Variants in PGGT1B observed in about 807,000 individuals in gnomAD.
The protein encoded by PGGT1B is protein geranylgeranyltransferase type I subunit beta.
A neutral mutation model predicts 46.1 loss-of-function variants in PGGT1B; 30 were observed. The observed-to-expected ratio is 0.65, with a 90% CI of 0.49 to 0.88. The LOEUF is 0.88. Ranked by LOEUF, PGGT1B falls within the 40% of genes least tolerant of loss-of-function variation. PGGT1B has a pLI of 0.00. For synonymous variants in PGGT1B, 170 were observed against 160.0 expected (o/e 1.06, Z -0.47); for missense variants, 376 against 455.9 (o/e 0.82, Z 1.60).
chr5:115,227,429 T>C (rs72663320), intron 6 of PGGT1B, among the ~76,000 whole-genome samples: 17,860 of 152,236 alleles, frequency 0.12, 2,047 homozygotes, highest in East Asian at 0.61. Context: ...GCAGTGATGC[T>C]GGTAGAGTCC....
intron 7 of PGGT1B, among the ~76,000 whole-genome samples, chr5:115,218,880 G>C (rs1040251244): frequency 2.6e-5 from 4 of 151,758 alleles, no homozygotes; most frequent in Non-Finnish European, 5.9e-5. Flanking sequence ...TAAATACTGA[G>C]AATTTAATCT....
intron 5 of PGGT1B, among the ~76,000 whole-genome samples, chr5:115,232,915 A>G (rs1757038210): frequency 6.6e-6 from 1 of 152,022 alleles, no homozygotes; most frequent in African/African-American, 2.4e-5. Flanking sequence ...AGCTCAAAAA[A>G]GCAAAATTTA....
At chr5:115,213,997 C>T (rs1756328946) in intron 8 of PGGT1B, among the ~76,000 whole-genome samples, 1 of 152,172 alleles carries the variant, frequency 6.6e-6, no homozygotes, top group African/African-American at 2.4e-5. Flanking sequence ...TTCTGGCTCA[C>T]TTTCCTTTGA....
At chr5:115,246,966 G>A (rs1376841814) in intron 2 of PGGT1B, among the ~76,000 whole-genome samples, 6 of 152,152 alleles carry the variant, frequency 3.9e-5, no homozygotes, top group African/African-American at 1.4e-4. Context: ...TGTAATATGT[G>A]TGTGTGTTTA....
At chr5:115,239,316 T>C (rs944930967) in intron 3 of PGGT1B, among the ~76,000 whole-genome samples, 1 of 152,156 alleles carries the variant, frequency 6.6e-6, no homozygotes, top group Non-Finnish European at 1.5e-5. Context: ...AGTGCTGGGA[T>C]TGCAGGTGTG....
intron 6 of PGGT1B, among the ~76,000 whole-genome samples, chr5:115,223,305 G>A (rs1024841802): frequency 5.3e-5 from 8 of 152,130 alleles, no homozygotes; most frequent in Non-Finnish European, 2.9e-5. Flanking sequence ...TACTTTATAC[G>A]GAGAAAGAGG....
intron 2 of PGGT1B, among the ~76,000 whole-genome samples, chr5:115,244,790 C>T (rs1181767835): frequency 6.6e-6 from 1 of 151,792 alleles, no homozygotes; most frequent in African/African-American, 2.4e-5. Context: ...GGGGTTTCAT[C>T]GTGTTGGCCA....
intron 1 of PGGT1B, among the ~76,000 whole-genome samples, chr5:115,256,835 C>A (rs1748336128): frequency 6.6e-6 from 1 of 152,130 alleles, no homozygotes; most frequent in African/African-American, 2.4e-5. Flanking sequence ...TGCTGGGCAA[C>A]CTGACTCAGC....
Position 115,212,538 on chromosome 5 carries a change from T to C in PGGT1B, c.998A>G (p.Glu333Gly). The C allele has an allele frequency of 6.2e-7, 1 of 1,613,408 alleles. No homozygotes were observed. The highest frequency in any genetic ancestry group is 8.5e-7 in the Non-Finnish European group (1 of 1,179,654). The change falls in exon 9 of 9, where the codon GAG (glutamate) becomes GGG (glycine). Residue 333 changes from glutamate (E) to glycine (G), a missense_variant. This residue lies in a region of PGGT1B where 222 missense variants were observed against 313.6 expected (regional missense o/e 0.71). Transcript: ENST00000419445. ...YFGICGLSLMEESGICKVHPA... is the reference protein window; with the variant it reads ...YFGICGLSLMGESGICKVHPA... ...ATGAACTTTACAAATTCCACTTTCC[T>C]CCATTAGTGACAGGCCACAGATCCC...
chr5:115,255,390 C>T (rs555407991), intron 1 of PGGT1B, among the ~76,000 whole-genome samples: 2 of 151,178 alleles, frequency 1.3e-5, no homozygotes, highest in Admixed American at 1.3e-4. Flanking sequence ...AGAAGGTCCA[C>T]TTTGTTTGTA....
intron 1 of PGGT1B, among the ~76,000 whole-genome samples, chr5:115,259,788 G>C (rs1249546473): frequency 1.3e-5 from 2 of 151,862 alleles, no homozygotes; most frequent in East Asian, 1.9e-4. Context: ...GATACACAGG[G>C]GAAAATAGAG....
chr5:115,249,434 G>A (rs1747991288), intron 2 of PGGT1B, among the ~76,000 whole-genome samples: 2 of 152,172 alleles, frequency 1.3e-5, no homozygotes, highest in African/African-American at 4.8e-5. Context: ...GACGCGGGTG[G>A]CCCCTGCTGC....
rs145159940 is a variant in PGGT1B at position 115,258,996 on chromosome 5, G to A, written c.140+3716C>T. Among the ~76,000 whole-genome samples the A allele has an allele frequency of 5.2e-3, 786 of 152,224 alleles. 4 individuals are homozygous for A. The highest frequency in any genetic ancestry group is 0.017 in the African/African-American group (714 of 41,528). On this transcript the variant is annotated intron_variant, in intron 1 of 8. Coordinates refer to ENST00000419445, the MANE Select transcript of PGGT1B (RefSeq NM_005023.4). ...TAGACGTTCTCTGCTGCTCCTACAC[G>A]TAAAACACCATACAGACACTCTATT...
At chr5:115,231,945 C>T (rs1298814322) in intron 5 of PGGT1B, among the ~76,000 whole-genome samples, 6 of 152,024 alleles carry the variant, frequency 3.9e-5, no homozygotes, top group African/African-American at 1.4e-4. Flanking sequence ...AGTGATCAAT[C>T]ATACCACCTT....
At chr5:115,246,408 C>T (rs1049184480) in intron 2 of PGGT1B, among the ~76,000 whole-genome samples, 11 of 151,138 alleles carry the variant, frequency 7.3e-5, no homozygotes, top group African/African-American at 2.7e-4. Flanking sequence ...TACTCTTTTG[C>T]GGTTTCTGTC....
rs1213238088 is a variant in PGGT1B at position 115,236,480 on chromosome 5, A to G, written c.522T>C (p.Phe174=). Residue 174 remains phenylalanine, a synonymous_variant, in exon 5 of 9, where the codon TTT becomes TTC. Coordinates refer to ENST00000419445, the MANE Select transcript of PGGT1B (RefSeq NM_005023.4). The stretch of plus-strand genomic sequence containing the variant: ...AGCAAATACAGGAAGCACAGTACAC[A>G]AATCGCATGTCATTTTCACTGCCTT... The part of the protein sequence containing the change: ...VPEGSENDMR[F]VYCASCICYM... 7 of 1,568,980 alleles carry G rather than the reference A, an allele frequency of 4.5e-6. No individual in the cohort carries two copies. Among genetic ancestry groups the G allele is most frequent in the Non-Finnish European group, 6.0e-6 (7 of 1,162,252 alleles).
chr5:115,239,361 T>G (rs62383166), intron 3 of PGGT1B, among the ~76,000 whole-genome samples: 1 of 152,152 alleles, frequency 6.6e-6, no homozygotes, highest in Non-Finnish European at 1.5e-5. Context: ...CAGTTCTTTA[T>G]ATGGTCTCAC....
chr5:115,212,792 T>C (rs895336982), intron 8 of PGGT1B, among the ~76,000 whole-genome samples: 2 of 152,046 alleles, frequency 1.3e-5, no homozygotes, highest in Non-Finnish European at 2.9e-5. Context: ...ATTTTATTCA[T>C]GAAAATATCA....
rs1756198060 is a variant in PGGT1B at position 115,210,816 on chromosome 5, A to AT, written c.*1585dup. 6.6e-6 allele frequency: 1 copy of AT among 152,082 alleles called. No individual in the cohort carries two copies. The highest frequency in any genetic ancestry group is 2.1e-4 in the South Asian group (1 of 4,832). 9.4% of individuals were successfully genotyped at this position (152,082 alleles called of 1,614,324 possible). ...TAAATAGTAGCAACTGGAATAACCCATAGACGGATAACATCTGTTATTAAG... is the reference window on the plus strand; with the variant it reads ...TAAATAGTAGCAACTGGAATAACCCATTAGACGGATAACATCTGTTATTAAG... On this transcript the variant is annotated 3_prime_UTR_variant, in exon 9 of 9. Coordinates refer to ENST00000419445, the MANE Select transcript of PGGT1B (RefSeq NM_005023.4).
Sources: gnomAD v4.1 joint callset for allele counts (sites outside exome capture counted in the v4.1 genomes callset) on GRCh38, gnomAD v4.1.1 for gene constraint, gnomAD v4.1.1 regional missense constraint, MANE v1.5 for transcripts, NCBI Gene and HGNC (gene_info 2026-07-23, HGNC 2026-07-21) for gene names.